Variants in CHD1 observed in about 807,000 individuals in gnomAD.
CHD1 encodes the protein chromodomain helicase DNA binding protein 1, also known as ATP-dependent chromatin remodeler CHD1.
CHD1 carries 36 observed loss-of-function variants against 224.2 expected under a neutral mutation model. The observed-to-expected ratio is 0.16, with a 90% CI of 0.12 to 0.21. CHD1 has a LOEUF of 0.21. CHD1 is among the 10% of genes least tolerant of loss of function. The pLI is 1.00. For missense variants in CHD1, 1,378 were observed against 1,994.8 expected (o/e 0.69, Z 5.89); for synonymous variants, 668 against 658.3 (o/e 1.01, Z -0.23).
chr5:98,883,107 C>A lies in CHD1; in HGVS notation c.2699G>T (p.Arg900Leu). 1 of 1,504,490 alleles carries A rather than the reference C, an allele frequency of 6.6e-7. No individual in the cohort carries two copies. The allele number at this position is 1,504,490 out of a possible 1,614,324, so 93.2% of individuals were successfully genotyped here. ...NDLQAQARAH[R>L]IGQKKQVNIY... ...AAATACCTGTTTCTTTTGCCCAATT[C>A]GATGGGCTCTAGCCTGTGCCTGAAG... The change falls in exon 19 of 36, where the codon CGA becomes CTA. Residue 900 changes from arginine (R) to leucine (L), a missense_variant. Arg to Leu is a moderately radical substitution (Grantham distance 102, BLOSUM62 -2). This residue lies in a region of CHD1 where 57 missense variants were observed against 177.2 expected (regional missense o/e 0.32). Coordinates refer to ENST00000614616, the MANE Select transcript of CHD1 (RefSeq NM_001270.4).
Position 98,904,920 on chromosome 5 carries a change from G to C in CHD1, c.232C>G (p.Pro78Ala). Residue 78 changes from proline to alanine, a missense_variant, in exon 3 of 36, where the codon CCA becomes GCA. Transcript: ENST00000614616. ...TSRENKVQAKPPKVDGAEFWK... is the reference protein window; with the variant it reads ...TSRENKVQAKAPKVDGAEFWK... ...ACCTCAGCTCCATCAACTTTCGGTG[G>C]TTTTGCTTGAACTTTGTTTTCTCGG... 6.2e-7 allele frequency: 1 copy of C among 1,613,930 alleles called. No homozygotes were observed. The highest frequency in any genetic ancestry group is 8.5e-7 in the Non-Finnish European group (1 of 1,179,916).
chr5:98,904,039 G>A (rs1054940007), intron 3 of CHD1, 131 bp from the exon 4 acceptor site: 2 of 594,444 alleles, frequency 3.4e-6, no homozygotes, highest in Non-Finnish European at 5.9e-6. Context: ...TTACCTATAT[G>A]TAACACAATT....
intron 2 of CHD1, among the ~76,000 whole-genome samples, chr5:98,915,828 C>T (rs1752696548): frequency 6.6e-6 from 1 of 152,078 alleles, no homozygotes; most frequent in Non-Finnish European, 1.5e-5. Context: ...TTACTACTGT[C>T]AGTACTTTAA....
intron 11 of CHD1, 83 bp downstream of exon 11, chr5:98,897,110 A>G: frequency 7.5e-7 from 1 of 1,336,512 alleles, no homozygotes; most frequent in Non-Finnish European, 1.1e-6. Context: ...CTTATTCTTT[A>G]TGTAAATGGA....
chr5:98,869,797 G>A lies in CHD1; in HGVS notation c.4064C>T (p.Ser1355Phe). The A allele has an allele frequency of 6.2e-7, 1 of 1,612,842 alleles. No individual in the cohort carries two copies. Among genetic ancestry groups the A allele is most frequent in the South Asian group, 1.1e-5 (1 of 91,022 alleles). The part of the protein sequence containing the change: ...IKVKEEIKSD[S>F]SPLPSEKSDE... ...AGACTTCTCTGAAGGCAGAGGAGAA[G>A]AATCACTCTTTATTTCCTCTTTCAC... The change falls in exon 30 of 36, where the codon TCT (serine) becomes TTT (phenylalanine). Residue 1355 changes from serine (S) to phenylalanine (F), a missense_variant. Around this residue, in one of 16 missense-constraint regions of CHD1, gnomAD observed 105 missense variants for 93.4 expected, o/e 1.12. Transcript: ENST00000614616.
Position 98,868,601 on chromosome 5 carries a change from G to C in CHD1, c.4142C>G (p.Ser1381Cys). ...SESKSDGRER[S>C]KKSSVSDAPV... is the part of the protein sequence containing the mutation. ...AGCATCTGACACTGAAGATTTCTTG[G>C]ATCTTTCCCTACCATCAGACTTGGA... Residue 1381 changes from serine to cysteine, a missense_variant, in exon 31 of 36, where the codon TCC becomes TGC. Physicochemically the swap from Ser to Cys is moderately radical, Grantham distance 112. Transcript: ENST00000614616. The C allele has an allele frequency of 6.2e-7, 1 of 1,604,854 alleles. No homozygotes were observed. Among genetic ancestry groups the C allele is most frequent in the South Asian group, 1.1e-5 (1 of 89,142 alleles).
At position 98,881,964 on chromosome 5, in the gene CHD1, C is replaced by A; in HGVS notation, c.2867+11G>T. 6.2e-7 allele frequency: 1 copy of A among 1,604,914 alleles called. No individual in the cohort carries two copies. Among genetic ancestry groups the A allele is most frequent in the Non-Finnish European group, 8.5e-7 (1 of 1,176,240 alleles). On this transcript the variant is annotated intron_variant, in intron 20 of 35. Coordinates refer to ENST00000614616, the MANE Select transcript of CHD1 (RefSeq NM_001270.4). ...TCTAAAATGACATTTTTTTAATAATCAAGTAACCACCTTGATGGGGCAGAA... is the reference window on the plus strand; with the variant it reads ...TCTAAAATGACATTTTTTTAATAATAAAGTAACCACCTTGATGGGGCAGAA...
chr5:98,879,643 T>G lies in CHD1; in HGVS notation c.3146A>C (p.Glu1049Ala). 1 of 1,610,110 alleles carries G rather than the reference T, an allele frequency of 6.2e-7. No homozygotes were observed. The highest frequency in any genetic ancestry group is 8.5e-7 in the Non-Finnish European group (1 of 1,178,496). ...TTCTTCTAATCGTCTTCTTTGATCT[T>G]CTGGAATAATTTCCTCCCAATTCTT... ...NSKNWEEIIP[E>A]DQRRRLEEEE... is the part of the protein sequence containing the mutation. Residue 1049 changes from glutamate to alanine, a missense_variant, in exon 23 of 36, where the codon GAA (glutamate) becomes GCA (alanine). Glu to Ala is a moderately radical substitution (Grantham distance 107, BLOSUM62 -1). Coordinates refer to ENST00000614616, the MANE Select transcript of CHD1 (RefSeq NM_001270.4).
intron 2 of CHD1, among the ~76,000 whole-genome samples, chr5:98,918,140 C>T (rs1343449679): frequency 1.3e-5 from 2 of 151,512 alleles, no homozygotes; most frequent in African/African-American, 4.9e-5. Flanking sequence ...TCACTGCAAG[C>T]TCTGCCTCCT....
In CHD1 at chr5:98,872,969, G is replaced by A. The variant is rs147003890; in HGVS notation, c.3572-414C>T. 2.9e-3 allele frequency among the ~76,000 whole-genome samples: 444 copies of A among 152,042 alleles called. 2 individuals carry two copies. Among genetic ancestry groups the A allele is most frequent in the Middle Eastern group, 0.01 (3 of 292 alleles). On this transcript the variant is annotated intron_variant, in intron 26 of 35. Transcript: ENST00000614616. ...CACAAGTAACTGAGACTACAAGCAC[G>A]CACAATCACACCCTGCTAATTTTTA...
Position 98,901,214 on chromosome 5 carries a change from T to C in CHD1, c.559A>G (p.Lys187Glu). The change falls in exon 6 of 36, where the codon AAA becomes GAA. Residue 187 changes from lysine (K) to glutamate (E), a missense_variant. Coordinates refer to ENST00000614616, the MANE Select transcript of CHD1 (RefSeq NM_001270.4). ...TTTTGAGGTTTTCTGCTTTTGACTT[T>C]GTTTTTTGGCTCATAATCAGATTCT... is the stretch of plus-strand genomic sequence containing the variant. ...ETESDYEPKN[K>E]VKSRKPQNRS... 2 of 1,612,520 alleles carry C rather than the reference T, an allele frequency of 1.2e-6. No homozygotes were observed. Among genetic ancestry groups the C allele is most frequent in the African/African-American group, 1.3e-5 (1 of 74,954 alleles).
At position 98,859,973 on chromosome 5, in the gene CHD1, T is replaced by G; in HGVS notation, c.4523A>C (p.Gln1508Pro). The G allele has an allele frequency of 6.8e-7, 1 of 1,474,318 alleles. No individual in the cohort carries two copies. Among genetic ancestry groups the G allele is most frequent in the Non-Finnish European group, 9.2e-7 (1 of 1,089,086 alleles). 91.3% of individuals were successfully genotyped at this position (1,474,318 alleles called of 1,614,324 possible). A position where few individuals can be genotyped will look rare whatever the true frequency, so the allele number is the denominator to read the frequency against. The change falls in exon 33 of 36, where the codon CAG (glutamine) becomes CCG (proline). Residue 1508 changes from glutamine to proline, a missense_variant and splice_region_variant. Transcript: ENST00000614616. ...GAAAAAATATGATGTCAAGTTTACC[T>G]GAGACTCCTGCCGTTTTTTAATAGC... ...KHAIKKRQES[Q>P]QNSDQNSNLN...
intron 18 of CHD1, among the ~76,000 whole-genome samples, chr5:98,884,782 T>A (rs927246388): frequency 2.0e-5 from 3 of 151,716 alleles, no homozygotes; most frequent in Admixed American, 6.6e-5. Context: ...AGTGACATGA[T>A]CATGGCTCAC....
intron 3 of CHD1, 61 bp downstream of exon 3, chr5:98,904,836 C>T (rs1483414883): frequency 1.4e-6 from 2 of 1,406,466 alleles, no homozygotes; most frequent in East Asian, 4.6e-5. Flanking sequence ...TAAACCAATC[C>T]TCTAAATTTT....
At chr5:98,899,358 G>A in intron 8 of CHD1, 122 bp downstream of exon 8, 1 of 669,692 alleles carries the variant, frequency 1.5e-6, no homozygotes, top group Non-Finnish European at 2.5e-6. Context: ...ACAGCCAACT[G>A]TATTATAAAG....
chr5:98,859,759 A>T (rs1748323329), intron 33 of CHD1, among the ~76,000 whole-genome samples: 1 of 152,128 alleles, frequency 6.6e-6, no homozygotes. Context: ...TAAACATTTC[A>T]GAGGAGATCT....
At chr5:98,888,341 A>G (rs1750788839) in intron 16 of CHD1, 101 bp from the exon 17 acceptor site, 3 of 873,434 alleles carry the variant, frequency 3.4e-6, no homozygotes, top group Non-Finnish European at 5.0e-6. Context: ...GAGATTTTAA[A>G]TTTTCATGTT....
At position 98,893,489 on chromosome 5, in the gene CHD1, G is replaced by T; in HGVS notation, c.1918C>A (p.Leu640Ile). 1 of 1,612,012 alleles carries T rather than the reference G, an allele frequency of 6.2e-7. No individual in the cohort carries two copies. Among genetic ancestry groups the T allele is most frequent in the Non-Finnish European group, 8.5e-7 (1 of 1,178,634 alleles). ...LIDFKSNHRL[L>I]ITGTPLQNSL... The stretch of plus-strand genomic sequence containing the variant: ...TTCTGTAGAGGAGTTCCAGTGATAA[G>T]GAGACGATGATTGGATTTAAAATCT... Residue 640 changes from leucine to isoleucine, a missense_variant, in exon 14 of 36, where the codon CTT becomes ATT. By Grantham distance (5) the Leu-to-Ile change is conservative (BLOSUM62 2). Around this residue, in one of 16 missense-constraint regions of CHD1, gnomAD observed 37 missense variants for 118.9 expected, o/e 0.31. Coordinates refer to ENST00000614616, the MANE Select transcript of CHD1 (RefSeq NM_001270.4).
chr5:98,911,130 GAAAAAAAAA>G (rs11451331), intron 2 of CHD1, among the ~76,000 whole-genome samples: 2 of 44,042 alleles, frequency 4.5e-5, no homozygotes. Context: ...GTGCTAAAAT[GAAAAAAAAA>G]AAAAAAAATA....
Sources: allele counts gnomAD v4.1 joint callset (sites outside exome capture counted in the v4.1 genomes callset), GRCh38; gene constraint gnomAD v4.1.1; regional missense constraint gnomAD v4.1.1; transcripts MANE v1.5; gene names NCBI Gene and HGNC (gene_info 2026-07-23, HGNC 2026-07-21).